Variants in NELL2 observed in about 807,000 individuals in gnomAD.
NELL2 encodes the protein protein kinase C-binding protein NELL2.
A neutral mutation model predicts 109.6 loss-of-function variants in NELL2; 41 were observed. The observed-to-expected ratio is 0.37, with a 90% CI of 0.29 to 0.49. NELL2 has a LOEUF of 0.49. Among genes scored for constraint, NELL2 ranks in the 20% least tolerant of loss-of-function variants. The probability of loss-of-function intolerance (pLI) is 0.98; values close to 1 mark genes in which losing one functional copy is unlikely to be tolerated. For synonymous variants in NELL2, 355 were observed against 344.7 expected (o/e 1.03, Z -0.33); for missense variants, 900 against 1,008.3 (o/e 0.89, Z 1.45).
intron 8 of NELL2, 52 bp downstream of exon 8, chr12:44,775,968 TAA>T: frequency 5.1e-6 from 8 of 1,576,160 alleles, no homozygotes; most frequent in Non-Finnish European, 6.9e-6. Context: ...AATAAATTTT[TAA>T]AGAGTGGGAG....
intron 15 of NELL2, among the ~76,000 whole-genome samples, chr12:44,541,761 G>A (rs1306238715): frequency 6.6e-6 from 1 of 152,144 alleles, no homozygotes. Context: ...CCTGTTGTTG[G>A]CTATGTGGCA....
chr12:44,740,474 T>G (rs748438366), intron 9 of NELL2, among the ~76,000 whole-genome samples: 1 of 152,194 alleles, frequency 6.6e-6, no homozygotes, highest in Non-Finnish European at 1.5e-5. Flanking sequence ...TATTTTTCAG[T>G]CAGTTTGCAT....
intron 13 of NELL2, among the ~76,000 whole-genome samples, chr12:44,656,962 T>C (rs1011884928): frequency 1.3e-5 from 2 of 152,250 alleles, no homozygotes; most frequent in Non-Finnish European, 2.9e-5. Flanking sequence ...ACATATCGTT[T>C]CTTTAAATCC....
At chr12:44,584,938 T>A (rs1472385940) in intron 15 of NELL2, among the ~76,000 whole-genome samples, 1 of 152,234 alleles carries the variant, frequency 6.6e-6, no homozygotes, top group African/African-American at 2.4e-5. Flanking sequence ...ATCATCACAT[T>A]GTACTTTCTA....
chr12:44,511,290 A>C (rs1940992549), intron 19 of NELL2, among the ~76,000 whole-genome samples: 1 of 152,222 alleles, frequency 6.6e-6, no homozygotes, highest in Non-Finnish European at 1.5e-5. Context: ...TTCTTATATA[A>C]GACTAACCCT....
intron 13 of NELL2, among the ~76,000 whole-genome samples, chr12:44,653,562 TAAC>T (rs1233539978): frequency 2.0e-5 from 3 of 152,150 alleles, no homozygotes; most frequent in Non-Finnish European, 4.4e-5. Context: ...ATTCCTCAGA[TAAC>T]AACTTAATGG....
upstream of NELL2, among the ~76,000 whole-genome samples, chr12:44,879,592 G>A (rs1945387862): frequency 6.6e-6 from 1 of 151,918 alleles, no homozygotes; most frequent in African/African-American, 2.4e-5. Context: ...AATTTGGAGA[G>A]GGTGGAACAC....
chr12:44,559,629 C>G (rs1414120408), intron 15 of NELL2, among the ~76,000 whole-genome samples: 1 of 152,164 alleles, frequency 6.6e-6, no homozygotes, highest in African/African-American at 2.4e-5. Flanking sequence ...GAAGAGCTAC[C>G]TATCCTAAAT....
chr12:44,831,981 G>A lies in NELL2; in HGVS notation c.185-15845C>T, dbSNP rs73279134. On this transcript the variant is annotated intron_variant, in intron 2 of 19. Transcript: ENST00000429094. Reference sequence around the variant, plus strand: ...CATCTCCCCAAGCTTCCTATGACTCGTTCAAATGTTCCCCGTGGGTCTCAT... The same window carrying A: ...CATCTCCCCAAGCTTCCTATGACTCATTCAAATGTTCCCCGTGGGTCTCAT... 4.2e-3 allele frequency among the ~76,000 whole-genome samples: 647 copies of A among 152,256 alleles called. 4 individuals are homozygous for A. The highest frequency in any genetic ancestry group is 0.014 in the African/African-American group (595 of 41,548).
intron 1 of NELL2, among the ~76,000 whole-genome samples, chr12:44,902,018 T>C (rs542716947): frequency 6.6e-6 from 1 of 152,220 alleles, no homozygotes; most frequent in South Asian, 2.1e-4. Context: ...CTCTCATCAC[T>C]CCTATTCAAC....
chr12:44,768,772 A>T (rs1328098200), intron 9 of NELL2, among the ~76,000 whole-genome samples: 1 of 152,088 alleles, frequency 6.6e-6, no homozygotes, highest in Non-Finnish European at 1.5e-5. Flanking sequence ...TCATTATTAC[A>T]TAATTCCTCT....
chr12:44,877,146 TAG>T (rs10624802), upstream of NELL2: 3,675 of 148,920 alleles, frequency 0.025, 67 homozygotes, highest in East Asian at 0.049. Context: ...AGGAGATGGT[TAG>T]AGAGAGAGAG....
At chr12:44,546,434 G>T (rs889690834) in intron 15 of NELL2, among the ~76,000 whole-genome samples, 1 of 152,060 alleles carries the variant, frequency 6.6e-6, no homozygotes, top group Non-Finnish European at 1.5e-5. Flanking sequence ...CTTGATACAA[G>T]TTTTTTAGCC....
intron 12 of NELL2, among the ~76,000 whole-genome samples, chr12:44,687,896 T>C (rs1948777892): frequency 6.6e-6 from 1 of 152,210 alleles, no homozygotes; most frequent in Admixed American, 6.5e-5. Context: ...TTTTTAATAA[T>C]TTGCATTTCT....
chr12:44,737,194 T>G (rs1399786535), intron 9 of NELL2, among the ~76,000 whole-genome samples: 1 of 151,936 alleles, frequency 6.6e-6, no homozygotes, highest in Non-Finnish European at 1.5e-5. Context: ...AGATAAAGTA[T>G]GTTTAATTTT....
chr12:44,544,130 C>T (rs946624277), intron 15 of NELL2, among the ~76,000 whole-genome samples: 2 of 151,778 alleles, frequency 1.3e-5, no homozygotes, highest in Non-Finnish European at 2.9e-5. Flanking sequence ...TGATACGATG[C>T]GAAATGAAGG....
rs191606215 is a variant in NELL2, at chr12:44,628,753, G to A, written c.1445-17783C>T. Reference sequence around the variant, plus strand: ...ACTAATCTGCCTGCTCGCCCCACCCGCCAGATGGTAGACAATGAGGGGATG... The same window carrying A: ...ACTAATCTGCCTGCTCGCCCCACCCACCAGATGGTAGACAATGAGGGGATG... On this transcript the variant is annotated intron_variant, in intron 13 of 19. Transcript: ENST00000429094. 5.7e-3 allele frequency among the ~76,000 whole-genome samples: 860 copies of A among 152,104 alleles called. 7 individuals carry two copies. Among genetic ancestry groups the A allele is most frequent in the African/African-American group, 0.02 (825 of 41,478 alleles).
At chr12:44,820,337 A>C (rs867153988) in intron 2 of NELL2, among the ~76,000 whole-genome samples, 1 of 152,170 alleles carries the variant, frequency 6.6e-6, no homozygotes, top group South Asian at 2.1e-4. Context: ...GGCCGGGCGC[A>C]GTGGCTCACG....
intron 2 of NELL2, among the ~76,000 whole-genome samples, chr12:44,843,112 A>T (rs1033718734): frequency 1.3e-5 from 2 of 152,168 alleles, no homozygotes; most frequent in Non-Finnish European, 2.9e-5. Context: ...GAAAACAAAT[A>T]GCCAAGCTAC....
Sources: gnomAD v4.1 joint callset for allele counts (sites outside exome capture counted in the v4.1 genomes callset) on GRCh38, gnomAD v4.1.1 for gene constraint, MANE v1.5 for transcripts, NCBI Gene and HGNC (gene_info 2026-07-23, HGNC 2026-07-21) for gene names.